FGR: variants seen among roughly 807,000 people sequenced by gnomAD.
The protein encoded by FGR is tyrosine-protein kinase Fgr.
In FGR, 26 loss-of-function variants were observed where a neutral mutation model predicts 63.2. The observed-to-expected ratio is 0.41, with a 90% CI of 0.30 to 0.57. The LOEUF is 0.57. FGR is among the 20% of genes least tolerant of loss of function. FGR has a pLI of 0.27. For synonymous variants in FGR, 286 were observed against 277.7 expected, an observed-to-expected ratio of 1.03 and a Z score of -0.30; for missense variants, 511 against 690.8, an observed-to-expected ratio of 0.74 and a Z score of 2.92.
chr1:27,618,061 G>A (rs566240327), intron 5 of FGR, among the ~76,000 whole-genome samples: 2 of 152,306 alleles, frequency 1.3e-5, no homozygotes, highest in East Asian at 1.9e-4. Flanking sequence ...AATTAAAGGA[G>A]CCTCGTGTTT....
At chr1:27,624,123 G>A (rs904315062) in intron 2 of FGR, 194 bp from the exon 3 acceptor site, 2 of 530,508 alleles carry the variant, frequency 3.8e-6, no homozygotes, top group East Asian at 6.1e-5. Context: ...CTCACAGTAT[G>A]TCCCCCCTCA....
intron 11 of FGR, 117 bp downstream of exon 11, chr1:27,614,313 A>G: frequency 8.3e-7 from 1 of 1,202,224 alleles, no homozygotes; most frequent in Non-Finnish European, 1.1e-6. Context: ...CTCATACTAC[A>G]TCAGGATGGG....
rs1250054053 is a variant in FGR at position 27,615,078 on chromosome 1, TGGCCCTGCTGCCAGA to T, written c.1019-167_1019-153del. On this transcript the variant is annotated intron_variant, in intron 9 of 12. Transcript: ENST00000374005. The surrounding 1 kb of genome is among the most constrained non-coding windows in gnomAD (Gnocchi z 7.6). ...CCTCAACCCCTCACTTGTCTCGTCCTGGCCCTGCTGCCAGACACGGACTCTGCCCACATCTCGTTT... is the reference window on the plus strand; with the variant it reads ...CCTCAACCCCTCACTTGTCTCGTCCTCACGGACTCTGCCCACATCTCGTTT... The T allele has an allele frequency of 1.5e-6, 1 of 653,258 alleles. No homozygotes were observed. Among genetic ancestry groups the T allele is most frequent in the African/African-American group, 1.9e-5 (1 of 52,200 alleles). The allele number at this position is 653,258 out of a possible 1,614,324, so 40.5% of individuals were successfully genotyped here.
chr1:27,634,829 C>T (rs1447089652), intron 1 of FGR, among the ~76,000 whole-genome samples: 3 of 152,030 alleles, frequency 2.0e-5, no homozygotes, highest in African/African-American at 4.8e-5. Context: ...TGGTCGGCTT[C>T]CCCCGTGCTC....
At chr1:27,619,727 C>G (rs1235652848) in intron 5 of FGR, among the ~76,000 whole-genome samples, 1 of 152,214 alleles carries the variant, frequency 6.6e-6, no homozygotes, top group Non-Finnish European at 1.5e-5. Context: ...CCTGGATGTT[C>G]CTCTCCACAA....
chr1:27,614,893 C>A lies in FGR; in HGVS notation c.1052G>T (p.Gly351Val). The change falls in exon 10 of 13, where the codon GGC becomes GTC. Residue 351 changes from glycine (G) to valine (V), a missense_variant. Coordinates refer to ENST00000374005, the MANE Select transcript of FGR (RefSeq NM_005248.3). ...CAATTGGGGCAGCCTCAAATCCTGG[C>A]CCTCTGGGTTCTTGAGAAAATCCAG... is the stretch of plus-strand genomic sequence containing the variant. ...SLLDFLKNPE[G>V]QDLRLPQLVD... 6.3e-7 allele frequency: 1 copy of A among 1,599,616 alleles called. No individual in the cohort carries two copies. The highest frequency in any genetic ancestry group is 1.1e-5 in the South Asian group (1 of 89,084).
intron 1 of FGR, among the ~76,000 whole-genome samples, chr1:27,633,522 A>T (rs1365901986): frequency 2.6e-5 from 4 of 152,198 alleles, no homozygotes; most frequent in African/African-American, 4.8e-5. Flanking sequence ...TGGTCCCTGG[A>T]GGCCCTGTCA....
intron 11 of FGR, among the ~76,000 whole-genome samples, chr1:27,614,183 C>T (rs2089753345): frequency 6.6e-6 from 1 of 152,226 alleles, no homozygotes; most frequent in Admixed American, 6.5e-5. Flanking sequence ...TGCTGACTTC[C>T]TGTTATCTGA....
In FGR at chr1:27,615,451, G is replaced by A; in HGVS notation, c.1001C>T (p.Thr334Ile). Reference sequence around the variant, plus strand: ...CTCCTGACCGTGACACATGAACTCGGTCACGATGTAGATGGGCTCCTCCGA... The same window carrying A: ...CTCCTGACCGTGACACATGAACTCGATCACGATGTAGATGGGCTCCTCCGA... ...VVSEEPIYIV[T>I]EFMCHGSLLD... Residue 334 changes from threonine to isoleucine, a missense_variant, in exon 9 of 13, where the codon ACC (threonine) becomes ATC (isoleucine). Thr to Ile is a moderately conservative substitution (Grantham distance 89). Coordinates refer to ENST00000374005, the MANE Select transcript of FGR (RefSeq NM_005248.3). The surrounding 1 kb of genome is among the most constrained non-coding windows in gnomAD (Gnocchi z 7.6). 4 of 1,600,606 alleles carry A rather than the reference G, an allele frequency of 2.5e-6. No homozygotes were observed. Among genetic ancestry groups the A allele is most frequent in the Non-Finnish European group, 3.4e-6 (4 of 1,168,660 alleles).
chr1:27,616,876 C>T lies in FGR; in HGVS notation c.663G>A (p.Glu221=). ...CCTCACCCATGTAGTGCTGCACCAG[C>T]TCCTGCACCGAGTTGAACTGAACCC... The part of the protein sequence containing the change: ...TTRVQFNSVQ[E]LVQHYMEVND... Residue 221 remains glutamate (E), a synonymous_variant, in exon 7 of 13, where the codon GAG becomes GAA. Transcript: ENST00000374005. This position sits in a 1 kb window ranked among gnomAD's most constrained non-coding sequence, Gnocchi z 4.3. 6.2e-7 allele frequency: 1 copy of T among 1,614,208 alleles called. No homozygotes were observed. Among genetic ancestry groups the T allele is most frequent in the Non-Finnish European group, 8.5e-7 (1 of 1,180,040 alleles).
chr1:27,633,025 A>G (rs1333665768), intron 1 of FGR, among the ~76,000 whole-genome samples: 2 of 152,096 alleles, frequency 1.3e-5, no homozygotes, highest in African/African-American at 4.8e-5. Flanking sequence ...ATCCACTCAT[A>G]TGCTCAAGGG....
At chr1:27,614,220 G>C (rs143112417) in intron 11 of FGR, among the ~76,000 whole-genome samples, 1 of 152,206 alleles carries the variant, frequency 6.6e-6, no homozygotes, top group Non-Finnish European at 1.5e-5. Flanking sequence ...GAAGAGAAAC[G>C]GCAGCTCCCA....
In FGR at chr1:27,623,173, A is replaced by G. The variant is rs781556520; in HGVS notation, c.227-29T>C. 1.9e-6 allele frequency: 3 copies of G among 1,555,448 alleles called. No homozygotes were observed. The Admixed American group carries it at 5.0e-5, about 26-fold the overall frequency. ...CAGAGTCAGGGCTACTCAGCAGGGT[A>G]GGGCATGGGGCAGAAGCACCAAGGG... On this transcript the variant is annotated intron_variant, in intron 3 of 12. Transcript: ENST00000374005.
rs1480337275 is a variant in FGR at position 27,616,839 on chromosome 1, T to G, written c.682+18A>C. The G allele has an allele frequency of 6.2e-7, 1 of 1,613,880 alleles. No homozygotes were observed. On this transcript the variant is annotated intron_variant, in intron 7 of 12. Transcript: ENST00000374005. This position sits in a 1 kb window ranked among gnomAD's most constrained non-coding sequence, Gnocchi z 4.3. ...GCTTCAGTTGGTTGGTTCAGGGATCTGAGGCCCCTGCCCTCACCCATGTAG... is the reference window on the plus strand; with the variant it reads ...GCTTCAGTTGGTTGGTTCAGGGATCGGAGGCCCCTGCCCTCACCCATGTAG...
At chr1:27,624,203 C>T (rs1482801710) in intron 2 of FGR, 4 of 398,668 alleles carry the variant, frequency 1.0e-5, no homozygotes, top group Non-Finnish European at 1.8e-5. Context: ...TATTGCTATG[C>T]TTATTTGCAT....
chr1:27,613,065 G>A lies in FGR; in HGVS notation c.1439C>T (p.Pro480Leu). 4 of 1,614,218 alleles carry A rather than the reference G, an allele frequency of 2.5e-6. No individual in the cohort carries two copies. Among genetic ancestry groups the A allele is most frequent in the Non-Finnish European group, 2.5e-6 (3 of 1,180,024 alleles). ...QVEQGYHMPCPPGCPASLYEA... is the reference protein window; with the variant it reads ...QVEQGYHMPCLPGCPASLYEA... ...GTACAGGGATGCTGGGCAGCCTGGA[G>A]GGCACGGCATGTGGTAGCCCTGCTC... The change falls in exon 13 of 13, where the codon CCT becomes CTT. Residue 480 changes from proline to leucine, a missense_variant. By Grantham distance (98) the Pro-to-Leu change is moderately conservative. Coordinates refer to ENST00000374005, the MANE Select transcript of FGR (RefSeq NM_005248.3).
At position 27,623,933 on chromosome 1, in the gene FGR, C is replaced by T; in HGVS notation, c.-13-4G>A. The T allele has an allele frequency of 6.4e-7, 1 of 1,570,478 alleles. No individual in the cohort carries two copies. The highest frequency in any genetic ancestry group is 1.2e-5 in the South Asian group (1 of 84,494). On this transcript the variant is annotated splice_region_variant and splice_polypyrimidine_tract_variant and intron_variant, in intron 2 of 12. Transcript: ENST00000374005. ...ACAGCCCATTCCAGGTTCCCTGCTA[C>T]AGAATGGGGCATGCCTCACTCAAGG...
At position 27,614,929 on chromosome 1, in the gene FGR, G is replaced by A; in HGVS notation, c.1019-3C>T. 1 of 1,594,600 alleles carries A rather than the reference G, an allele frequency of 6.3e-7. No homozygotes were observed. ...CTTGAGAAAATCCAGCAAGCTGCCT[G>A]GGAAGAAGCCAGAAAGTCAGCGGCA... On this transcript the variant is annotated splice_polypyrimidine_tract_variant and splice_region_variant and intron_variant, in intron 9 of 12. Coordinates refer to ENST00000374005, the MANE Select transcript of FGR (RefSeq NM_005248.3).
chr1:27,612,745 C>A lies in FGR; in HGVS notation c.*169G>T. The A allele has an allele frequency of 1.6e-6, 1 of 623,458 alleles. No homozygotes were observed. Among genetic ancestry groups the A allele is most frequent in the Non-Finnish European group, 2.8e-6 (1 of 356,328 alleles). The allele number at this position is 623,458 out of a possible 1,614,324, so 38.6% of individuals were successfully genotyped here. A position where few individuals can be genotyped will look rare whatever the true frequency, so the allele number is the denominator to read the frequency against. ...AGATCAGCTCTGGGCCTCCTTTTGCCCCATCTGTAAAACAAGTAGGTTGCC... is the reference window on the plus strand; with the variant it reads ...AGATCAGCTCTGGGCCTCCTTTTGCACCATCTGTAAAACAAGTAGGTTGCC... On this transcript the variant is annotated 3_prime_UTR_variant, in exon 13 of 13. Transcript: ENST00000374005.
Sources: allele counts gnomAD v4.1 joint callset (sites outside exome capture counted in the v4.1 genomes callset), GRCh38; gene constraint gnomAD v4.1.1; non-coding constraint Gnocchi (gnomAD v3.1); transcripts MANE v1.5; gene names NCBI Gene and HGNC (gene_info 2026-07-23, HGNC 2026-07-21).